Variants in PPP1R12A observed in about 807,000 individuals in gnomAD.
The protein encoded by PPP1R12A is myosin binding subunit.
Under a neutral mutation model 139.6 loss-of-function variants are expected in PPP1R12A, and 19 were observed. The observed-to-expected ratio is 0.14, with a 90% CI of 0.09 to 0.20. The LOEUF (loss-of-function observed/expected upper bound fraction) is 0.20. Among genes scored for constraint, PPP1R12A ranks in the 10% least tolerant of loss-of-function variants. The pLI is 1.00. For missense variants in PPP1R12A, 925 were observed against 1,211.5 expected (o/e 0.76, Z 3.51); for synonymous variants, 427 against 420.6 (o/e 1.02, Z -0.19).
chr12:79,893,799 T>C (rs2137436608), intron 1 of PPP1R12A, among the ~76,000 whole-genome samples: 2 of 152,308 alleles, frequency 1.3e-5, no homozygotes, highest in South Asian at 4.1e-4. Flanking sequence ...TGGAGTTAAA[T>C]GTATAAATAA....
chr12:79,934,965 G>C lies in PPP1R12A; in HGVS notation c.-34C>G, dbSNP rs775122997. The C allele has an allele frequency of 3.2e-6, 5 of 1,543,352 alleles. No homozygotes were observed. The South Asian group carries it at 3.6e-5, about 11-fold the overall frequency. On this transcript the variant is annotated 5_prime_UTR_variant, in exon 1 of 25. Transcript: ENST00000450142. Reference sequence around the variant, plus strand: ...CTGCCGCCGGGTCTTCTTATCGCGAGGGGGGGAAGGGGGAGGCGGAGAGGG... The same window carrying C: ...CTGCCGCCGGGTCTTCTTATCGCGACGGGGGGAAGGGGGAGGCGGAGAGGG...
intron 6 of PPP1R12A, among the ~76,000 whole-genome samples, chr12:79,821,410 A>C (rs1363610358): frequency 2.0e-5 from 3 of 152,114 alleles, no homozygotes; most frequent in African/African-American, 7.2e-5. Flanking sequence ...TTTACTGAAA[A>C]AGTCGAGATC....
chr12:79,907,795 G>A (rs1430969518), intron 1 of PPP1R12A, among the ~76,000 whole-genome samples: 1 of 152,172 alleles, frequency 6.6e-6, no homozygotes, highest in African/African-American at 2.4e-5. Context: ...CTACTCGGGA[G>A]GCTGAGGCAG....
chr12:79,883,099 T>C (rs1883792032), intron 1 of PPP1R12A, among the ~76,000 whole-genome samples: 1 of 152,066 alleles, frequency 6.6e-6, no homozygotes, highest in East Asian at 1.9e-4. Flanking sequence ...ATTGTGCCAC[T>C]GCACTCCAGC....
intron 1 of PPP1R12A, among the ~76,000 whole-genome samples, chr12:79,924,998 C>A (rs959567515): frequency 6.6e-6 from 1 of 151,910 alleles, no homozygotes; most frequent in South Asian, 2.1e-4. Flanking sequence ...CATGATCCAC[C>A]TTTATTCACC....
chr12:79,916,362 G>C (rs1592827598), intron 1 of PPP1R12A, among the ~76,000 whole-genome samples: 1 of 75,684 alleles, frequency 1.3e-5, no homozygotes, highest in Non-Finnish European at 2.5e-5. Context: ...AAGAGACTTG[G>C]GGCTGTTTTT....
chr12:79,898,698 A>G (rs1334184655), intron 1 of PPP1R12A, among the ~76,000 whole-genome samples: 1 of 152,040 alleles, frequency 6.6e-6, no homozygotes, highest in African/African-American at 2.4e-5. Context: ...TTTGCCCTGT[A>G]CTTTAGCCAA....
intron 9 of PPP1R12A, among the ~76,000 whole-genome samples, chr12:79,810,442 G>A (rs1034424811): frequency 3.9e-5 from 6 of 152,090 alleles, no homozygotes; most frequent in African/African-American, 1.2e-4. Context: ...CCAGTTTTGC[G>A]CAAGCCCTGC....
At chr12:79,845,224 T>A (rs1879237949) in intron 3 of PPP1R12A, 78 bp downstream of exon 3, 1 of 1,101,520 alleles carries the variant, frequency 9.1e-7, no homozygotes, top group Middle Eastern at 2.0e-4. Flanking sequence ...TGCCCTTCAA[T>A]GTCAACAAAT....
rs537167628 is a variant in PPP1R12A, at chr12:79,791,282, A to T, written c.2650-799T>A. Among the ~76,000 whole-genome samples the T allele has an allele frequency of 6.6e-5, 10 of 152,328 alleles. No homozygotes were observed. The East Asian group carries it at 1.9e-3, about 29-fold the overall frequency. The stretch of plus-strand genomic sequence containing the variant: ...TTTAACAATAAAAAGTCTAGTGAGA[A>T]ATCACTCAAATTCCATTATCTTTAA... On this transcript the variant is annotated intron_variant, in intron 19 of 24. Coordinates refer to ENST00000450142, the MANE Select transcript of PPP1R12A (RefSeq NM_002480.3).
chr12:79,859,858 G>A (rs1881119624), intron 2 of PPP1R12A, among the ~76,000 whole-genome samples: 2 of 152,214 alleles, frequency 1.3e-5, no homozygotes, highest in Non-Finnish European at 2.9e-5. Flanking sequence ...AGGCTGCGGT[G>A]TGTTATGATC....
intron 3 of PPP1R12A, among the ~76,000 whole-genome samples, chr12:79,841,209 A>C (rs1476818479): frequency 6.6e-6 from 1 of 152,114 alleles, no homozygotes; most frequent in Non-Finnish European, 1.5e-5. Context: ...AATTATAGGC[A>C]AGAGCCACTG....
intron 2 of PPP1R12A, among the ~76,000 whole-genome samples, chr12:79,851,244 C>CT (rs1880006739): frequency 1.3e-5 from 2 of 152,182 alleles, no homozygotes; most frequent in East Asian, 1.9e-4. Context: ...GAAATAAATG[C>CT]TATTTTCATT....
At chr12:79,916,837 T>C (rs7964770) in intron 1 of PPP1R12A, among the ~76,000 whole-genome samples, 2,570 of 152,300 alleles carry the variant, frequency 0.017, 35 homozygotes, top group Non-Finnish European at 0.026. Context: ...TCAATGTTTC[T>C]ATATTTAATC....
chr12:79,916,914 T>C (rs1313348886), intron 1 of PPP1R12A, among the ~76,000 whole-genome samples: 2 of 152,122 alleles, frequency 1.3e-5, no homozygotes, highest in African/African-American at 4.8e-5. Flanking sequence ...TTTTTTTTTT[T>C]CTGCTTGTTG....
intron 9 of PPP1R12A, among the ~76,000 whole-genome samples, chr12:79,815,624 T>A (rs986714741): frequency 6.6e-6 from 1 of 152,096 alleles, no homozygotes; most frequent in Non-Finnish European, 1.5e-5. Context: ...GATGCAGGAA[T>A]GAATTTAGTA....
At chr12:79,788,005 A>G (rs1010448288) in intron 21 of PPP1R12A, 3 of 152,218 alleles carry the variant, frequency 2.0e-5, no homozygotes, top group African/African-American at 7.2e-5. Context: ...GAATCTCTCT[A>G]CTTAGCATAG....
intron 9 of PPP1R12A, among the ~76,000 whole-genome samples, chr12:79,813,766 G>A (rs956645136): frequency 1.3e-5 from 2 of 152,174 alleles, no homozygotes; most frequent in Non-Finnish European, 2.9e-5. Flanking sequence ...TTCAGCGGAA[G>A]GGTTAAGGAA....
chr12:79,869,818 G>A (rs974311489), intron 2 of PPP1R12A, among the ~76,000 whole-genome samples: 1 of 151,954 alleles, frequency 6.6e-6, no homozygotes, highest in Non-Finnish European at 1.5e-5. Context: ...ACTAGGATTT[G>A]CAACAAATTT....
Sources: gnomAD v4.1 joint callset for allele counts (sites outside exome capture counted in the v4.1 genomes callset) on GRCh38, gnomAD v4.1.1 for gene constraint, MANE v1.5 for transcripts, NCBI Gene and HGNC (gene_info 2026-07-23, HGNC 2026-07-21) for gene names.